Variants in CAPN13 observed in about 807,000 individuals in gnomAD.
CAPN13 encodes calpain 13.
A neutral mutation model predicts 98.4 loss-of-function variants in CAPN13; 90 were observed. That is an observed-to-expected ratio of 0.92 (90% CI 0.77 to 1.09). The LOEUF (loss-of-function observed/expected upper bound fraction) is 1.09. Ranked by LOEUF, CAPN13 falls within the 50% of genes least tolerant of loss-of-function variation. The pLI is 0.00. For synonymous variants in CAPN13, 330 were observed against 305.5 expected, an observed-to-expected ratio of 1.08 and a Z score of -0.84; for missense variants, 887 against 841.3, an observed-to-expected ratio of 1.05 and a Z score of -0.67.
chr2:30,750,387 C>G (rs1292814087), intron 11 of CAPN13, among the ~76,000 whole-genome samples: 1 of 152,090 alleles, frequency 6.6e-6, no homozygotes, highest in Non-Finnish European at 1.5e-5. Context: ...ATGAAATAAT[C>G]TGTAAAACAA....
chr2:30,741,358 C>T, intron 15 of CAPN13: 1 of 983,384 alleles, frequency 1.0e-6, no homozygotes, highest in East Asian at 1.1e-4. Context: ...TTCCACTTTC[C>T]ACACTAACAC....
chr2:30,788,024 G>A (rs563487872), intron 1 of CAPN13, among the ~76,000 whole-genome samples: 25 of 152,268 alleles, frequency 1.6e-4, no homozygotes, highest in Non-Finnish European at 8.8e-5. Context: ...GCATCAGAAG[G>A]GAAGATGGTG....
intron 11 of CAPN13, 94 bp from the exon 12 acceptor site, chr2:30,745,828 T>C: frequency 2.0e-6 from 2 of 997,354 alleles, no homozygotes; most frequent in East Asian, 2.6e-5. Flanking sequence ...GTTTCATCCC[T>C]GCATTCCTTC....
chr2:30,748,212 G>C (rs926303829), intron 11 of CAPN13, among the ~76,000 whole-genome samples: 12 of 152,170 alleles, frequency 7.9e-5, no homozygotes, highest in Non-Finnish European at 1.8e-4. Flanking sequence ...GGCAGACCAG[G>C]GGCCTCAGTT....
At chr2:30,796,607 C>G (rs191738220) in intron 1 of CAPN13, among the ~76,000 whole-genome samples, 210 of 152,152 alleles carry the variant, frequency 1.4e-3, no homozygotes, top group African/African-American at 4.8e-3. Context: ...ATTAACCAAG[C>G]AGATAGCAGA....
chr2:30,768,919 G>A (rs1204660151), intron 5 of CAPN13, among the ~76,000 whole-genome samples: 2 of 151,974 alleles, frequency 1.3e-5, no homozygotes, highest in East Asian at 3.9e-4. Context: ...GCCAGGATGT[G>A]GGGATCCAGG....
intron 1 of CAPN13, among the ~76,000 whole-genome samples, chr2:30,790,248 G>C (rs1256988713): frequency 6.6e-6 from 1 of 152,190 alleles, no homozygotes; most frequent in Non-Finnish European, 1.5e-5. Context: ...AGGGCTTTCT[G>C]CTTCTTTCCT....
intron 2 of CAPN13, among the ~76,000 whole-genome samples, chr2:30,785,195 TG>T (rs1350548008): frequency 6.6e-6 from 1 of 152,268 alleles, no homozygotes; most frequent in South Asian, 2.1e-4. Flanking sequence ...CTTAAGTCAG[TG>T]GGGGGAAAGT....
chr2:30,755,673 T>A (rs1672407244), intron 8 of CAPN13, among the ~76,000 whole-genome samples: 1 of 152,142 alleles, frequency 6.6e-6, no homozygotes, highest in Non-Finnish European at 1.5e-5. Flanking sequence ...TTCTCCTGGA[T>A]GAGCTTGCAT....
chr2:30,797,759 C>A (rs77068028), intron 1 of CAPN13, among the ~76,000 whole-genome samples: 3 of 152,156 alleles, frequency 2.0e-5, no homozygotes. Context: ...TCTTTCCATG[C>A]GTTGAGACTG....
Position 30,738,277 on chromosome 2 carries a change from C to A in CAPN13, c.1611G>T (p.Met537Ile). Residue 537 changes from methionine to isoleucine, a missense_variant, in exon 17 of 23, where the codon ATG (methionine) becomes ATT (isoleucine). By Grantham distance (10) the Met-to-Ile change is conservative. Coordinates refer to ENST00000295055, the MANE Select transcript of CAPN13 (RefSeq NM_144575.3). ...QELLTGPPGD[M>I]FSLDECRSLV... Reference sequence around the variant, plus strand: ...AGCTGCGGCACTCATCTAAGGAGAACATGTCCCCTGGAGGTCCTGAGGAGA... The same window carrying A: ...AGCTGCGGCACTCATCTAAGGAGAAAATGTCCCCTGGAGGTCCTGAGGAGA... 1.2e-6 allele frequency: 2 copies of A among 1,613,928 alleles called. No homozygotes were observed. Among genetic ancestry groups the A allele is most frequent in the Non-Finnish European group, 1.7e-6 (2 of 1,179,882 alleles).
intron 1 of CAPN13, among the ~76,000 whole-genome samples, chr2:30,790,355 G>A (rs1674537224): frequency 1.3e-5 from 2 of 152,216 alleles, no homozygotes; most frequent in African/African-American, 4.8e-5. Context: ...TTGCTGAAAG[G>A]CCTACCTGAT....
At chr2:30,749,711 C>G (rs193189799) in intron 11 of CAPN13, among the ~76,000 whole-genome samples, 2 of 152,116 alleles carry the variant, frequency 1.3e-5, no homozygotes, top group Admixed American at 6.6e-5. Context: ...CTTCACTTTT[C>G]GGGGCCTCAG....
intron 11 of CAPN13, among the ~76,000 whole-genome samples, chr2:30,749,520 T>G (rs767184072): frequency 1.3e-5 from 2 of 152,200 alleles, no homozygotes; most frequent in Non-Finnish European, 2.9e-5. Context: ...AATTTTGCCT[T>G]CAGCTCAGTC....
chr2:30,758,129 G>A lies in CAPN13; in HGVS notation c.783C>T (p.Tyr261=). The change falls in exon 8 of 23, where the codon TAC becomes TAT. Residue 261 remains tyrosine (Y), a synonymous_variant. Coordinates refer to ENST00000295055, the MANE Select transcript of CAPN13 (RefSeq NM_144575.3). Reference sequence around the variant, plus strand: ...AGATAATTTCTTCCCAGCCCCTTCGGTATTGAATCTGTAAAGAAAACAGAA... The same window carrying A: ...AGATAATTTCTTCCCAGCCCCTTCGATATTGAATCTGTAAAGAAAACAGAA... ...YTVTGAEQIQ[Y]RRGWEEIISL... 1 of 1,600,502 alleles carries A rather than the reference G, an allele frequency of 6.2e-7. No individual in the cohort carries two copies. Among genetic ancestry groups the A allele is most frequent in the Non-Finnish European group, 8.5e-7 (1 of 1,174,022 alleles).
In CAPN13 at chr2:30,738,351, T is replaced by G. The variant is rs763203272; in HGVS notation, c.1594+49A>C. 3.1e-6 allele frequency: 5 copies of G among 1,612,388 alleles called. No homozygotes were observed. The African/African-American group carries it at 6.7e-5, about 22-fold the overall frequency. ...TTGACAGTGGGGTGTGGGGTGGGGT[T>G]GCCAGCAGGGAGGAGGATGGGGCCA... is the stretch of plus-strand genomic sequence containing the variant. On this transcript the variant is annotated intron_variant, in intron 16 of 22. Coordinates refer to ENST00000295055, the MANE Select transcript of CAPN13 (RefSeq NM_144575.3).
chr2:30,757,875 C>T (rs191790976), intron 8 of CAPN13, among the ~76,000 whole-genome samples, 171 bp downstream of exon 8: 33 of 152,288 alleles, frequency 2.2e-4, no homozygotes, highest in Admixed American at 7.8e-4. Flanking sequence ...AGTTGCTTGG[C>T]GGATGGCATC....
In CAPN13 at chr2:30,743,557, G is replaced by C; in HGVS notation, c.1271C>G (p.Pro424Arg). The change falls in exon 13 of 23, where the codon CCC (proline) becomes CGC (arginine). Residue 424 changes from proline (P) to arginine (R), a missense_variant. By Grantham distance (103) the Pro-to-Arg change is moderately radical (BLOSUM62 -2). Coordinates refer to ENST00000295055, the MANE Select transcript of CAPN13 (RefSeq NM_144575.3). ...GTTTCTGAACGAGGAAAAAAACACGGGTGGAAATTTCTCCCGGAACCGCTG... is the reference window on the plus strand; with the variant it reads ...GTTTCTGAACGAGGAAAAAAACACGCGTGGAAATTTCTCCCGGAACCGCTG... ...GSQRFREKFPPVFFSSFRNTV... is the reference protein window; with the variant it reads ...GSQRFREKFPRVFFSSFRNTV... 6.2e-7 allele frequency: 1 copy of C among 1,613,876 alleles called. No homozygotes were observed. The highest frequency in any genetic ancestry group is 2.2e-5 in the East Asian group (1 of 44,872).
chr2:30,793,728 A>T (rs565933421), intron 1 of CAPN13, among the ~76,000 whole-genome samples: 79 of 152,046 alleles, frequency 5.2e-4, no homozygotes, highest in African/African-American at 1.7e-3. Flanking sequence ...AAAAATATAG[A>T]CAAATAGATC....
Sources: gnomAD v4.1 joint callset for allele counts (sites outside exome capture counted in the v4.1 genomes callset) on GRCh38, gnomAD v4.1.1 for gene constraint, MANE v1.5 for transcripts, NCBI Gene and HGNC (gene_info 2026-07-23, HGNC 2026-07-21) for gene names.